PTPRD: variants seen among roughly 807,000 people sequenced by gnomAD.
PTPRD encodes protein tyrosine phosphatase receptor type D, also known as receptor-type tyrosine-protein phosphatase delta.
Under a neutral mutation model 214.5 loss-of-function variants are expected in PTPRD, and 34 were observed. The ratio of observed to expected loss-of-function variants is 0.16; its 90% CI spans 0.12 to 0.21. The LOEUF is 0.21. PTPRD is among the 10% of genes least tolerant of loss of function. The pLI is 1.00. For missense variants in PTPRD, 2,545 were observed against 2,398.7 expected (o/e 1.06, Z -1.27); for synonymous variants, 1,128 against 845.7 (o/e 1.33, Z -5.79).
At chr9:9,746,114 G>T (rs918246131) in intron 6 of PTPRD, among the ~76,000 whole-genome samples, 1 of 152,026 alleles carries the variant, frequency 6.6e-6, no homozygotes, top group Non-Finnish European at 1.5e-5. Context: ...ACTTCAGTTT[G>T]CCCAAGAGAA....
chr9:10,525,476 A>G (rs1285787605), intron 2 of PTPRD, among the ~76,000 whole-genome samples: 1 of 152,012 alleles, frequency 6.6e-6, no homozygotes, highest in Non-Finnish European at 1.5e-5. Context: ...TCCAACAAAA[A>G]CTTAAGATTT....
intron 8 of PTPRD, among the ~76,000 whole-genome samples, chr9:9,466,573 T>C: frequency 6.6e-6 from 1 of 152,226 alleles, no homozygotes; most frequent in Non-Finnish European, 1.5e-5. Flanking sequence ...AATCTGTGTT[T>C]CATACTTACT....
chr9:8,738,758 G>T (rs2091139501), intron 11 of PTPRD, among the ~76,000 whole-genome samples: 1 of 143,646 alleles, frequency 7.0e-6, no homozygotes, highest in African/African-American at 2.5e-5. Flanking sequence ...GAAAAGGAAA[G>T]AATTAAGCAT....
chr9:9,952,245 G>A (rs746793767), intron 4 of PTPRD, among the ~76,000 whole-genome samples: 1 of 152,120 alleles, frequency 6.6e-6, no homozygotes. Flanking sequence ...CTTTTGTCCT[G>A]GTTAAAGGTG....
At chr9:9,450,950 T>TACACACAC (rs145703989) in intron 8 of PTPRD, among the ~76,000 whole-genome samples, 19,237 of 136,272 alleles carry the variant, frequency 0.14, 1,236 homozygotes, top group Middle Eastern at 0.18. Flanking sequence ...CATACATACA[T>TACACACAC]ACACACACAC....
intron 3 of PTPRD, among the ~76,000 whole-genome samples, chr9:10,118,902 T>TAAATA (rs2098752837): frequency 7.8e-6 from 1 of 128,506 alleles, no homozygotes; most frequent in Non-Finnish European, 1.8e-5. Flanking sequence ...AAATAAATAA[T>TAAATA]AATAAAGGAG....
chr9:9,127,193 G>C (rs1195879368), intron 10 of PTPRD, among the ~76,000 whole-genome samples: 2 of 152,158 alleles, frequency 1.3e-5, no homozygotes, highest in African/African-American at 2.4e-5. Context: ...GGATGTATGG[G>C]AAAACGAGAA....
chr9:10,352,656 T>C (rs2097202720), intron 2 of PTPRD, among the ~76,000 whole-genome samples: 1 of 152,036 alleles, frequency 6.6e-6, no homozygotes, highest in Admixed American at 6.6e-5. Context: ...TGTTCAAGCA[T>C]TTTGAGGTGT....
chr9:10,125,431 T>C (rs1299005695), intron 3 of PTPRD, among the ~76,000 whole-genome samples: 1 of 84,962 alleles, frequency 1.2e-5, no homozygotes, highest in Non-Finnish European at 2.3e-5. Context: ...ATTTTATTAT[T>C]ATTATTATTA....
intron 9 of PTPRD, among the ~76,000 whole-genome samples, chr9:9,330,788 T>G (rs545468387): frequency 3.2e-4 from 48 of 151,964 alleles, no homozygotes; most frequent in Middle Eastern, 3.4e-3. Context: ...ATCTATAATA[T>G]AAATATTGAA....
chr9:8,650,108 G>C (rs2096776369), intron 12 of PTPRD, among the ~76,000 whole-genome samples: 1 of 152,040 alleles, frequency 6.6e-6, no homozygotes, highest in Non-Finnish European at 1.5e-5. Flanking sequence ...TGTAGAGATG[G>C]GGTCTAGCTA....
chr9:9,431,437 T>C (rs200892586), intron 8 of PTPRD, among the ~76,000 whole-genome samples: 9,980 of 152,060 alleles, frequency 0.066, 354 homozygotes, highest in Middle Eastern at 0.18. Flanking sequence ...GAAATAGGAA[T>C]GCTTTTACAC....
Position 9,033,373 on chromosome 9 carries a change from G to A in PTPRD, c.-142-14638C>T, listed in dbSNP as rs2099611673. On this transcript the variant is annotated intron_variant, in intron 10 of 45. Transcript: ENST00000381196. ...CAAGACATGAGGAAAGTTAATGGCTGGGTTCAGACTAGAATCCCTATTTCC... is the reference window on the plus strand; with the variant it reads ...CAAGACATGAGGAAAGTTAATGGCTAGGTTCAGACTAGAATCCCTATTTCC... 3.3e-5 allele frequency among the ~76,000 whole-genome samples: 5 copies of A among 152,040 alleles called. No individual in the cohort carries two copies. The South Asian group carries it at 1.0e-3, about 32-fold the overall frequency.
chr9:9,584,256 C>A (rs375813554), intron 7 of PTPRD, among the ~76,000 whole-genome samples: 1 of 151,684 alleles, frequency 6.6e-6, no homozygotes, highest in African/African-American at 2.4e-5. Flanking sequence ...TCTCCCCTCA[C>A]TCAAATCTAC....
intron 12 of PTPRD, among the ~76,000 whole-genome samples, chr9:8,708,527 A>G (rs889936007): frequency 6.6e-6 from 1 of 151,794 alleles, no homozygotes; most frequent in Non-Finnish European, 1.5e-5. Flanking sequence ...AATACAAAAA[A>G]AATTAGCTGG....
At chr9:10,215,073 C>T (rs535272544) in intron 3 of PTPRD, among the ~76,000 whole-genome samples, 2 of 152,106 alleles carry the variant, frequency 1.3e-5, no homozygotes, top group East Asian at 3.9e-4. Flanking sequence ...CTGTGCTCTT[C>T]CCAAAATGTT....
chr9:10,556,364 A>G (rs1025775151), intron 2 of PTPRD, among the ~76,000 whole-genome samples: 1 of 152,022 alleles, frequency 6.6e-6, no homozygotes, highest in Non-Finnish European at 1.5e-5. Context: ...GATATGCTAA[A>G]CCTGGTTACA....
chr9:8,585,084 C>G (rs1171213633), intron 14 of PTPRD, among the ~76,000 whole-genome samples: 1 of 152,048 alleles, frequency 6.6e-6, no homozygotes, highest in Non-Finnish European at 1.5e-5. Context: ...GGGGACACAG[C>G]CAAACCACTG....
At chr9:9,208,280 C>G (rs1241591858) in intron 9 of PTPRD, among the ~76,000 whole-genome samples, 1 of 151,702 alleles carries the variant, frequency 6.6e-6, no homozygotes, top group Non-Finnish European at 1.5e-5. Flanking sequence ...TCCCAAAGTG[C>G]TGGGATTACA....
Sources: allele counts gnomAD v4.1 joint callset (sites outside exome capture counted in the v4.1 genomes callset), GRCh38; gene constraint gnomAD v4.1.1; transcripts MANE v1.5; gene names NCBI Gene and HGNC (gene_info 2026-07-23, HGNC 2026-07-21).